The following RABGEF1 variants were observed in gnomAD, a reference collection of about 807,000 sequenced individuals.
RABGEF1 encodes rab5 GDP/GTP exchange factor.
In RABGEF1, 26 loss-of-function variants were observed where a neutral mutation model predicts 57.3. That is an observed-to-expected ratio of 0.45 (90% CI 0.33 to 0.63). RABGEF1 has a LOEUF of 0.63. Ranked by LOEUF, RABGEF1 falls within the 20% of genes least tolerant of loss-of-function variation. The pLI, the probability that RABGEF1 is intolerant of heterozygous loss-of-function variation, is 0.02. For missense variants in RABGEF1, 464 were observed against 607.6 expected, an observed-to-expected ratio of 0.76 and a Z score of 2.48; for synonymous variants, 185 against 210.7, an observed-to-expected ratio of 0.88 and a Z score of 1.06.
intron 2 of RABGEF1, among the ~76,000 whole-genome samples, chr7:66,734,676 A>G (rs1347750205): frequency 6.7e-6 from 1 of 149,032 alleles, no homozygotes; most frequent in African/African-American, 2.5e-5. Flanking sequence ...CAAGTGATCC[A>G]TCCACCTTGG....
intron 7 of RABGEF1, among the ~76,000 whole-genome samples, chr7:66,804,915 A>C (rs1385230468): frequency 6.6e-6 from 1 of 152,134 alleles, no homozygotes; most frequent in East Asian, 1.9e-4. Context: ...TAATATGAGG[A>C]TTAGAGAAAT....
chr7:66,704,705 G>A (rs973487361), intron 1 of RABGEF1, among the ~76,000 whole-genome samples: 1 of 152,060 alleles, frequency 6.6e-6, no homozygotes, highest in African/African-American at 2.4e-5. Flanking sequence ...CATCTACTCA[G>A]GAGGCTGAAG....
intron 7 of RABGEF1, among the ~76,000 whole-genome samples, chr7:66,802,464 G>C (rs956438511): frequency 5.9e-5 from 9 of 152,242 alleles, no homozygotes; most frequent in Non-Finnish European, 1.2e-4. Flanking sequence ...TTCATGTGAA[G>C]GCAGAGCCCT....
chr7:66,654,571 C>T, the RABGEF1 span: 3 of 152,794 alleles, frequency 2.0e-5, no homozygotes, highest in African/African-American at 7.2e-5. Context: ...GAGACCAGAC[C>T]TACTGCAGCC....
intron 1 of RABGEF1, among the ~76,000 whole-genome samples, chr7:66,698,645 G>T (rs1792727699): frequency 6.6e-6 from 1 of 152,154 alleles, no homozygotes. Flanking sequence ...CTCCCTGCAA[G>T]GCTGCGGTGA....
intron 1 of RABGEF1, among the ~76,000 whole-genome samples, chr7:66,760,038 A>G (rs1803870204): frequency 6.6e-6 from 1 of 152,216 alleles, no homozygotes; most frequent in Admixed American, 6.5e-5. Flanking sequence ...TATAGAGCAT[A>G]GGGCTAGTAC....
chr7:66,773,295 G>A (rs1331558311), intron 2 of RABGEF1, among the ~76,000 whole-genome samples: 8 of 152,148 alleles, frequency 5.3e-5, no homozygotes, highest in Non-Finnish European at 8.8e-5. Context: ...CAAAAACAGA[G>A]TAGAGGCCAC....
upstream of RABGEF1, among the ~76,000 whole-genome samples, chr7:66,681,207 C>A (rs1312174432): frequency 6.6e-6 from 1 of 152,194 alleles, no homozygotes; most frequent in Non-Finnish European, 1.5e-5. Flanking sequence ...TCTTTTCTTT[C>A]TTTCTGTGAC....
At chr7:66,705,450 AGAGAGAGAGAGAGAGAGAGAG>A (rs1793904011) in intron 1 of RABGEF1, among the ~76,000 whole-genome samples, 1 of 119,294 alleles carries the variant, frequency 8.4e-6, no homozygotes, top group African/African-American at 3.2e-5. Flanking sequence ...AGAAAGAGAG[AGAGAGAGAGAGAGAGAGAGAG>A]AGAGAGAGAG....
chr7:66,701,857 GGTTT>G (rs546809743), intron 1 of RABGEF1, among the ~76,000 whole-genome samples: 206 of 152,096 alleles, frequency 1.4e-3, no homozygotes, highest in Non-Finnish European at 1.9e-3. Flanking sequence ...ATAAGTCTGT[GGTTT>G]GTTTATTAAT....
intron 1 of RABGEF1, among the ~76,000 whole-genome samples, chr7:66,756,967 CTTCTAACTAGTT>C (rs1403569751): frequency 6.6e-6 from 1 of 152,096 alleles, no homozygotes; most frequent in Non-Finnish European, 1.5e-5. Flanking sequence ...TGTTCACAGT[CTTCTAACTAGTT>C]TGCAAATAAA....
chr7:66,744,917 A>G (rs1799848933), intron 1 of RABGEF1, among the ~76,000 whole-genome samples: 1 of 151,370 alleles, frequency 6.6e-6, no homozygotes, highest in Admixed American at 6.6e-5. Flanking sequence ...TATCAGCCGC[A>G]CACGGTGGCT....
chr7:66,789,176 C>A (rs1811959287), intron 4 of RABGEF1, among the ~76,000 whole-genome samples: 1 of 152,086 alleles, frequency 6.6e-6, no homozygotes, highest in Non-Finnish European at 1.5e-5. Flanking sequence ...GTTTGCCCTG[C>A]CACGTAATTT....
the RABGEF1 span, among the ~76,000 whole-genome samples, chr7:66,664,812 C>T: frequency 3.9e-5 from 6 of 152,208 alleles, no homozygotes; most frequent in African/African-American, 7.2e-5. Context: ...ACCTCATCCC[C>T]GCTCTGTTCA....
intron 2 of RABGEF1, among the ~76,000 whole-genome samples, chr7:66,731,233 A>G (rs1375943055): frequency 6.6e-6 from 1 of 152,068 alleles, no homozygotes; most frequent in Non-Finnish European, 1.5e-5. Flanking sequence ...GTCCTTGAGG[A>G]GTTCAAGGGC....
intron 8 of RABGEF1, among the ~76,000 whole-genome samples, chr7:66,805,598 G>GTTTA (rs1375159862): frequency 6.6e-6 from 1 of 152,214 alleles, no homozygotes; most frequent in Non-Finnish European, 1.5e-5. Context: ...CAGAGATTGT[G>GTTTA]TTTATCCTAC....
chr7:66,705,410 C>T, intron 1 of RABGEF1, among the ~76,000 whole-genome samples: 1 of 128,750 alleles, frequency 7.8e-6, no homozygotes, highest in South Asian at 2.7e-4. Flanking sequence ...GCACTCCAGC[C>T]TGGGCAACAG....
chr7:66,701,591 C>T (rs1562711913), intron 1 of RABGEF1, among the ~76,000 whole-genome samples: 1 of 151,174 alleles, frequency 6.6e-6, no homozygotes, highest in East Asian at 2.0e-4. Flanking sequence ...TCACTGTAAC[C>T]TCCACCTCCT....
chr7:66,677,844 T>C (rs1789394797), upstream of RABGEF1, among the ~76,000 whole-genome samples: 1 of 150,376 alleles, frequency 6.6e-6, no homozygotes, highest in Non-Finnish European at 1.5e-5. Context: ...AGCTGGTGGA[T>C]TGTTTGAGTC....
Sources: allele counts gnomAD v4.1 joint callset (sites outside exome capture counted in the v4.1 genomes callset), GRCh38; gene constraint gnomAD v4.1.1; transcripts MANE v1.5; gene names NCBI Gene and HGNC (gene_info 2026-07-23, HGNC 2026-07-21).